The following CTNND2 variants were observed in gnomAD, a reference collection of about 807,000 sequenced individuals.
The protein encoded by CTNND2 is catenin delta 2, also known as catenin delta-2.
In CTNND2, 22 loss-of-function variants were observed where a neutral mutation model predicts 144.4. The observed-to-expected ratio is 0.15, with a 90% CI of 0.11 to 0.22. The LOEUF is 0.22. CTNND2 is among the 10% of genes least tolerant of loss of function. The probability of loss-of-function intolerance (pLI) is 1.00; values close to 1 mark genes in which losing one functional copy is unlikely to be tolerated. For synonymous variants in CTNND2, 751 were observed against 695.6 expected (o/e 1.08, Z -1.25); for missense variants, 1,353 against 1,618.8 (o/e 0.84, Z 2.82).
At chr5:11,830,401 G>T in intron 1 of CTNND2, among the ~76,000 whole-genome samples, 1 of 152,164 alleles carries the variant, frequency 6.6e-6, no homozygotes, top group East Asian at 1.9e-4. Context: ...ATTGAATCAT[G>T]GGGGCAAGTC....
intron 1 of CTNND2, among the ~76,000 whole-genome samples, chr5:11,806,675 T>A (rs1792019112): frequency 6.6e-6 from 1 of 152,080 alleles, no homozygotes; most frequent in Non-Finnish European, 1.5e-5. Context: ...ATCTAACACA[T>A]CAGGGTTGTA....
intron 3 of CTNND2, among the ~76,000 whole-genome samples, chr5:11,508,834 C>T (rs1314933430): frequency 6.6e-6 from 1 of 151,944 alleles, no homozygotes; most frequent in Non-Finnish European, 1.5e-5. Context: ...TCACTTGAAC[C>T]TGGGAAGCAG....
chr5:11,840,879 C>A (rs1003869737), intron 1 of CTNND2, among the ~76,000 whole-genome samples: 24 of 152,150 alleles, frequency 1.6e-4, no homozygotes, highest in African/African-American at 5.8e-4. Context: ...TTTTAACGGG[C>A]ATATCTACCC....
chr5:11,485,368 TGTGTGTGCGCGCGC>T (rs1479663636), intron 3 of CTNND2, among the ~76,000 whole-genome samples: 1 of 126,374 alleles, frequency 7.9e-6, no homozygotes, highest in African/African-American at 2.6e-5. Context: ...TGTGTGTGTG[TGTGTGTGCGCGCGC>T]GCGCGTGCGC....
At chr5:11,188,144 C>T (rs1391164500) in intron 11 of CTNND2, among the ~76,000 whole-genome samples, 1 of 152,124 alleles carries the variant, frequency 6.6e-6, no homozygotes, top group Non-Finnish European at 1.5e-5. Flanking sequence ...TATAAAAATA[C>T]ATCCACATGT....
At chr5:11,841,282 T>C (rs1285162631) in intron 1 of CTNND2, among the ~76,000 whole-genome samples, 1 of 152,194 alleles carries the variant, frequency 6.6e-6, no homozygotes, top group East Asian at 1.9e-4. Context: ...CCTTATAAGA[T>C]GTCTAAAGAT....
At chr5:10,983,705 C>A (rs1415702053) in intron 20 of CTNND2, among the ~76,000 whole-genome samples, 1 of 152,152 alleles carries the variant, frequency 6.6e-6, no homozygotes, top group Non-Finnish European at 1.5e-5. Context: ...TCCACTCTGC[C>A]CAGCCTGATT....
chr5:11,071,434 G>C lies in CTNND2; in HGVS notation c.2788+11262C>G, dbSNP rs558501354. On this transcript the variant is annotated intron_variant, in intron 16 of 21. Coordinates refer to ENST00000304623, the MANE Select transcript of CTNND2 (RefSeq NM_001332.4). ...CTGCACCTGTAATCCCAGATACCCA[G>C]GTGCCCGAGGCATGAGAATCGTTTG... Among the ~76,000 whole-genome samples the C allele has an allele frequency of 2.6e-5, 4 of 152,278 alleles. No individual in the cohort carries two copies. The East Asian group carries it at 7.7e-4, about 29-fold the overall frequency.
At chr5:11,517,916 A>C (rs983667699) in intron 3 of CTNND2, among the ~76,000 whole-genome samples, 1 of 152,228 alleles carries the variant, frequency 6.6e-6, no homozygotes, top group African/African-American at 2.4e-5. Flanking sequence ...TGTATATTAG[A>C]TCTTCGGACA....
chr5:11,597,969 T>G (rs1779600491), intron 2 of CTNND2, among the ~76,000 whole-genome samples: 1 of 152,202 alleles, frequency 6.6e-6, no homozygotes, highest in African/African-American at 2.4e-5. Flanking sequence ...ATTTCCTATA[T>G]CACTGAAATT....
At chr5:11,782,742 C>T (rs1790612201) in intron 1 of CTNND2, among the ~76,000 whole-genome samples, 1 of 152,158 alleles carries the variant, frequency 6.6e-6, no homozygotes, top group Non-Finnish European at 1.5e-5. Flanking sequence ...TTTCAAACAA[C>T]CCATTATCCT....
intron 1 of CTNND2, among the ~76,000 whole-genome samples, chr5:11,838,732 T>G (rs1794307173): frequency 6.6e-6 from 1 of 152,202 alleles, no homozygotes; most frequent in African/African-American, 2.4e-5. Flanking sequence ...TGCATCAATT[T>G]AAGAGATAAA....
chr5:11,490,397 T>C lies in CTNND2; in HGVS notation c.287+74547A>G, dbSNP rs74728984. On this transcript the variant is annotated intron_variant, in intron 3 of 21. Coordinates refer to ENST00000304623, the MANE Select transcript of CTNND2 (RefSeq NM_001332.4). ...ATGTAGTTTCCATAGCTATAATTTA[T>C]TTCATAGCTTTTGAATGTACATGTA... Among the ~76,000 whole-genome samples the C allele has an allele frequency of 3.2e-3, 485 of 152,336 alleles. 4 individuals carry two copies. Among genetic ancestry groups the C allele is most frequent in the African/African-American group, 0.011 (469 of 41,582 alleles).
chr5:11,744,015 CA>C (rs1561754743), intron 1 of CTNND2, among the ~76,000 whole-genome samples: 2 of 152,152 alleles, frequency 1.3e-5, no homozygotes, highest in Non-Finnish European at 1.5e-5. Flanking sequence ...ATGACTTCTA[CA>C]AAGCAAGATG....
intron 3 of CTNND2, among the ~76,000 whole-genome samples, chr5:11,470,551 A>G (rs1767091941): frequency 6.6e-6 from 1 of 152,238 alleles, no homozygotes; most frequent in African/African-American, 2.4e-5. Flanking sequence ...TATTCAGTCA[A>G]GAATATGATC....
At chr5:11,490,108 G>A (rs1769251768) in intron 3 of CTNND2, among the ~76,000 whole-genome samples, 1 of 152,144 alleles carries the variant, frequency 6.6e-6, no homozygotes, top group Non-Finnish European at 1.5e-5. Context: ...CTAACTTTCT[G>A]TCTTTATTGT....
At chr5:11,055,008 G>A (rs1264587792) in intron 16 of CTNND2, among the ~76,000 whole-genome samples, 1 of 152,186 alleles carries the variant, frequency 6.6e-6, no homozygotes, top group African/African-American at 2.4e-5. Flanking sequence ...GGCTGAAGCT[G>A]AGCAATGCCA....
intron 2 of CTNND2, among the ~76,000 whole-genome samples, chr5:11,729,190 CAAA>C (rs34925830): frequency 3.6e-5 from 5 of 140,562 alleles, no homozygotes; most frequent in African/African-American, 1.0e-4. Flanking sequence ...TATGTGCCAC[CAAA>C]AAAAAAAAAA....
At chr5:11,340,843 A>G (rs1192966334) in intron 9 of CTNND2, among the ~76,000 whole-genome samples, 2 of 152,218 alleles carry the variant, frequency 1.3e-5, no homozygotes, top group Non-Finnish European at 2.9e-5. Flanking sequence ...TAAAATAGGT[A>G]TTATAAAAAG....
Sources: gnomAD v4.1 joint callset for allele counts (sites outside exome capture counted in the v4.1 genomes callset) on GRCh38, gnomAD v4.1.1 for gene constraint, MANE v1.5 for transcripts, NCBI Gene and HGNC (gene_info 2026-07-23, HGNC 2026-07-21) for gene names.